The following ZNF468 variants were observed in gnomAD, a reference collection of about 807,000 sequenced individuals.
ZNF468 encodes zinc finger protein 468.
In ZNF468, 8 loss-of-function variants were observed where a neutral mutation model predicts 7.2. The ratio of observed to expected loss-of-function variants is 1.11; its 90% CI spans 0.65 to 2.01. ZNF468 has a LOEUF of 2.01. Among genes scored for constraint, ZNF468 ranks in the 30% most tolerant of loss-of-function variants. The probability of loss-of-function intolerance (pLI) is 0.00; values close to 1 mark genes in which losing one functional copy is unlikely to be tolerated. For synonymous variants in ZNF468, 218 were observed against 214.4 expected (o/e 1.02, Z -0.15); for missense variants, 608 against 626.5 (o/e 0.97, Z 0.31).
intron 2 of ZNF468, among the ~76,000 whole-genome samples, chr19:52,850,211 A>G (rs544536392): frequency 1.3e-5 from 2 of 152,258 alleles, no homozygotes; most frequent in Admixed American, 6.5e-5. Context: ...ATCTTGCTGG[A>G]AAAGGATACT....
At chr19:52,851,220 G>A (rs1246990620) in intron 2 of ZNF468, among the ~76,000 whole-genome samples, 1 of 152,080 alleles carries the variant, frequency 6.6e-6, no homozygotes, top group Non-Finnish European at 1.5e-5. Context: ...AGGTTGCAGT[G>A]ATCTGAGATC....
At chr19:52,846,210 C>A (rs1201904956) in intron 3 of ZNF468, among the ~76,000 whole-genome samples, 1 of 151,910 alleles carries the variant, frequency 6.6e-6, no homozygotes, top group Non-Finnish European at 1.5e-5. Flanking sequence ...GTAGTTTTTG[C>A]AGGTTATGGA....
intron 3 of ZNF468, among the ~76,000 whole-genome samples, chr19:52,847,770 C>T (rs918602505): frequency 6.6e-6 from 1 of 152,160 alleles, no homozygotes; most frequent in Admixed American, 6.6e-5. Flanking sequence ...ATTCATGATA[C>T]AAATTCCTTT....
intron 2 of ZNF468, among the ~76,000 whole-genome samples, chr19:52,851,823 A>G (rs905546208): frequency 3.9e-5 from 6 of 152,002 alleles, no homozygotes; most frequent in Admixed American, 3.3e-4. Context: ...AAATAATAAA[A>G]CCTACACAGA....
intron 2 of ZNF468, among the ~76,000 whole-genome samples, chr19:52,853,306 A>C (rs1170673786): frequency 6.6e-6 from 1 of 152,148 alleles, no homozygotes; most frequent in Non-Finnish European, 1.5e-5. Context: ...CTTATGGCCA[A>C]GGGTCTAAGC....
At chr19:52,852,945 C>G (rs1392929510) in intron 2 of ZNF468, among the ~76,000 whole-genome samples, 2 of 151,628 alleles carry the variant, frequency 1.3e-5, no homozygotes, top group Non-Finnish European at 2.9e-5. Context: ...AGCTCTGCCT[C>G]CGAGGTTCAA....
rs566427444 is a variant in ZNF468 at position 52,844,368 on chromosome 19, G to C, written c.143-2217C>G. On this transcript the variant is annotated intron_variant, in intron 3 of 3. Transcript: ENST00000595646. Reference sequence around the variant, plus strand: ...CCATGAAGAATGCTCTCACCAGGAAGCAATTTGGCTGGCACCTTGCTCTTG... The same window carrying C: ...CCATGAAGAATGCTCTCACCAGGAACCAATTTGGCTGGCACCTTGCTCTTG... Among the ~76,000 whole-genome samples, 4 of 152,198 alleles carry C rather than the reference G, an allele frequency of 2.6e-5. No homozygotes were observed. In the South Asian group the frequency reaches 6.2e-4, roughly 24 times the overall value.
intron 2 of ZNF468, among the ~76,000 whole-genome samples, chr19:52,852,433 T>C (rs1051706392): frequency 4.6e-5 from 7 of 151,966 alleles, no homozygotes; most frequent in African/African-American, 1.7e-4. Flanking sequence ...CTCAACACTT[T>C]TGGAGGTTGA....
chr19:52,849,409 C>G, intron 2 of ZNF468, 196 bp from the exon 3 acceptor site: 1 of 1,081,690 alleles, frequency 9.2e-7, no homozygotes, highest in South Asian at 1.8e-5. Context: ...TCAAGACATA[C>G]TCTCAGTATA....
At chr19:52,853,926 G>T (rs750396661) in intron 2 of ZNF468, 5 of 1,369,418 alleles carry the variant, frequency 3.7e-6, no homozygotes, top group Non-Finnish European at 3.8e-6. Flanking sequence ...CTCCAATCCT[G>T]GTCCACAGTG....
At chr19:52,853,445 C>T (rs1453450828) in intron 2 of ZNF468, among the ~76,000 whole-genome samples, 1 of 152,090 alleles carries the variant, frequency 6.6e-6, no homozygotes, top group East Asian at 1.9e-4. Context: ...TCCCAACACA[C>T]TGGGGGGCCG....
intron 2 of ZNF468, among the ~76,000 whole-genome samples, chr19:52,850,792 G>C (rs370368398): frequency 6.6e-6 from 1 of 151,562 alleles, no homozygotes; most frequent in Admixed American, 6.6e-5. Context: ...CCAGCTACTC[G>C]GGAGGCTGAG....
rs376660879 is a variant in ZNF468 at position 52,841,828 on chromosome 19, A to G, written c.466T>C (p.Ser156Pro). The change falls in exon 4 of 4, where the codon TCT becomes CCT. Residue 156 changes from serine (S) to proline (P), a missense_variant. By Grantham distance (74) the Ser-to-Pro change is moderately conservative. Transcript: ENST00000595646. ...ACTTGATTACCAATTTTCCCTTCAGACTGAAATATGTGCGGTTCAGGCAGA... is the reference window on the plus strand; with the variant it reads ...ACTTGATTACCAATTTTCCCTTCAGGCTGAAATATGTGCGGTTCAGGCAGA... ...LHLPEPHIFQ[S>P]EGKIGNQVEK... The G allele has an allele frequency of 1.1e-5, 17 of 1,613,968 alleles. No homozygotes were observed. The highest frequency in any genetic ancestry group is 3.3e-5 in the Admixed American group (2 of 59,988).
Position 52,841,764 on chromosome 19 carries a change from G to A in ZNF468, c.530C>T (p.Ser177Phe), listed in dbSNP as rs765486414. 2 of 1,614,066 alleles carry A rather than the reference G, an allele frequency of 1.2e-6. No individual in the cohort carries two copies. The highest frequency in any genetic ancestry group is 1.3e-5 in the African/African-American group (1 of 75,006). ...TTTGGGCCTACAACAAATTCTTTGG[G>A]ATGTTGAAACTGAGGAAGCATTGTT... is the stretch of plus-strand genomic sequence containing the variant. Reference protein sequence around the residue: ...SINNASSVSTSQRICCRPKTH... With the variant: ...SINNASSVSTFQRICCRPKTH... Residue 177 changes from serine (S) to phenylalanine (F), a missense_variant, in exon 4 of 4, where the codon TCC becomes TTC. Transcript: ENST00000595646.
At chr19:52,844,053 G>A (rs1017683363) in intron 3 of ZNF468, among the ~76,000 whole-genome samples, 1 of 152,198 alleles carries the variant, frequency 6.6e-6, no homozygotes, top group African/African-American at 2.4e-5. Context: ...CCAGGAGGCG[G>A]AGGTTGCAGT....
chr19:52,851,380 T>C (rs1242768276), intron 2 of ZNF468, among the ~76,000 whole-genome samples: 1 of 152,092 alleles, frequency 6.6e-6, no homozygotes, highest in East Asian at 1.9e-4. Context: ...ATGGAAACCA[T>C]CTTGGCTAAA....
intron 3 of ZNF468, among the ~76,000 whole-genome samples, chr19:52,848,043 A>T (rs1203419203): frequency 1.3e-5 from 2 of 152,212 alleles, no homozygotes; most frequent in Non-Finnish European, 2.9e-5. Context: ...GGCGCCCTTC[A>T]GAAAGATGTC....
At chr19:52,853,819 T>A (rs1322418818) in intron 2 of ZNF468, 13 of 1,183,372 alleles carry the variant, frequency 1.1e-5, no homozygotes, top group Non-Finnish European at 1.4e-5. Context: ...AAATGTGGTA[T>A]AAAATCAGGG....
rs772403344 is a variant in ZNF468 at position 52,841,365 on chromosome 19, C to T, written c.929G>A (p.Arg310His). ...ECEECDKVFS[R>H]KSHLERHKRI... is the part of the protein sequence containing the mutation. Reference sequence around the variant, plus strand: ...CTTATGTCTTTCAAGGTGTGATTTGCGACTGAAAACTTTGTCACATTCTTC... The same window carrying T: ...CTTATGTCTTTCAAGGTGTGATTTGTGACTGAAAACTTTGTCACATTCTTC... The change falls in exon 4 of 4, where the codon CGC becomes CAC. Residue 310 changes from arginine (R) to histidine (H), a missense_variant. By Grantham distance (29) the Arg-to-His change is conservative. Transcript: ENST00000595646. 1.1e-5 allele frequency: 18 copies of T among 1,613,738 alleles called. No homozygotes were observed. Among genetic ancestry groups the T allele is most frequent in the East Asian group, 2.2e-5 (1 of 44,858 alleles).
Sources: gnomAD v4.1 joint callset for allele counts (sites outside exome capture counted in the v4.1 genomes callset) on GRCh38, gnomAD v4.1.1 for gene constraint, MANE v1.5 for transcripts, NCBI Gene and HGNC (gene_info 2026-07-23, HGNC 2026-07-21) for gene names.